The following INTS9 variants were observed in gnomAD, a reference collection of about 807,000 sequenced individuals.
The protein encoded by INTS9 is integrator complex subunit 9, also known as protein related to CPSF subunits of 74 kDa.
A neutral mutation model predicts 79.7 loss-of-function variants in INTS9; 55 were observed. The observed-to-expected ratio is 0.69, with a 90% CI of 0.56 to 0.86. The LOEUF (loss-of-function observed/expected upper bound fraction) is 0.86, where lower values mean the gene tolerates loss of function less well. INTS9 is among the 40% of genes least tolerant of loss of function. The pLI, the probability that INTS9 is intolerant of heterozygous loss-of-function variation, is 0.00. For synonymous variants in INTS9, 319 were observed against 325.2 expected (o/e 0.98, Z 0.20); for missense variants, 721 against 831.5 (o/e 0.87, Z 1.64).
chr8:28,889,634 T>C (rs1280812980), intron 1 of INTS9, among the ~76,000 whole-genome samples: 1 of 152,100 alleles, frequency 6.6e-6, no homozygotes, highest in African/African-American at 2.4e-5. Context: ...AGTCAACCTC[T>C]TGTCTGAACA....
chr8:28,818,599 T>C (rs1457484605), intron 6 of INTS9, among the ~76,000 whole-genome samples: 7 of 151,252 alleles, frequency 4.6e-5, no homozygotes, highest in Non-Finnish European at 3.0e-5. Context: ...TCAAGGATAT[T>C]GGTCTAAAAT....
chr8:28,788,711 G>A (rs763548118), intron 10 of INTS9, among the ~76,000 whole-genome samples: 3 of 152,242 alleles, frequency 2.0e-5, no homozygotes, highest in Non-Finnish European at 4.4e-5. Context: ...GAGCCACTGT[G>A]CCTGGCCCTC....
chr8:28,880,868 C>A (rs1275924008), intron 1 of INTS9, among the ~76,000 whole-genome samples: 2 of 146,290 alleles, frequency 1.4e-5, no homozygotes, highest in Non-Finnish European at 3.0e-5. Context: ...TCTGCCCGGC[C>A]GCCCATCGTC....
chr8:28,872,778 A>G (rs1809165928), intron 1 of INTS9, among the ~76,000 whole-genome samples: 1 of 152,196 alleles, frequency 6.6e-6, no homozygotes, highest in African/African-American at 2.4e-5. Context: ...AACTCAGCAC[A>G]TCATTTACAC....
chr8:28,771,736 G>A (rs971757766), intron 14 of INTS9, among the ~76,000 whole-genome samples: 4 of 152,378 alleles, frequency 2.6e-5, no homozygotes, highest in African/African-American at 9.6e-5. Flanking sequence ...GCCAGATCCC[G>A]TTCTTCACCT....
intron 8 of INTS9, chr8:28,799,432 G>A (rs903823895): frequency 2.0e-5 from 3 of 152,192 alleles, no homozygotes; most frequent in African/African-American, 2.4e-5. Context: ...TACGAATGTC[G>A]AATGTCACCG....
At chr8:28,876,663 A>G (rs994889064) in intron 1 of INTS9, among the ~76,000 whole-genome samples, 2 of 152,158 alleles carry the variant, frequency 1.3e-5, no homozygotes. Context: ...AGCCACTGCA[A>G]TTACATCAGA....
At chr8:28,855,414 T>TG (rs1234450332) in intron 2 of INTS9, among the ~76,000 whole-genome samples, 1 of 152,228 alleles carries the variant, frequency 6.6e-6, no homozygotes, top group Non-Finnish European at 1.5e-5. Context: ...AAGATGACTG[T>TG]GGGGAAAATG....
At chr8:28,864,388 T>C (rs1033894144) in intron 1 of INTS9, among the ~76,000 whole-genome samples, 8 of 152,216 alleles carry the variant, frequency 5.3e-5, no homozygotes, top group African/African-American at 1.9e-4. Flanking sequence ...TATTCAAGAT[T>C]ATATTTCAGG....
intron 1 of INTS9, among the ~76,000 whole-genome samples, chr8:28,882,424 TC>T (rs1031898032): frequency 9.8e-5 from 10 of 102,132 alleles, no homozygotes; most frequent in African/African-American, 3.7e-4. Flanking sequence ...CCCTGCCAAA[TC>T]CCCCTCTGCG....
chr8:28,874,320 C>T (rs189421228), intron 1 of INTS9, among the ~76,000 whole-genome samples: 17 of 150,296 alleles, frequency 1.1e-4, no homozygotes, highest in African/African-American at 1.5e-4. Context: ...GACAGAGTCT[C>T]GCTCTGTCAC....
chr8:28,881,287 T>C (rs1809772271), intron 1 of INTS9, among the ~76,000 whole-genome samples: 1 of 144,538 alleles, frequency 6.9e-6, no homozygotes, highest in Non-Finnish European at 1.5e-5. Flanking sequence ...AGCCGCCCAG[T>C]CCGGGAGGGA....
In INTS9 at chr8:28,778,045, A is replaced by G. The variant is rs73669443; in HGVS notation, c.1271-92T>C. The G allele has an allele frequency of 4.0e-4, 558 of 1,384,554 alleles. 2 individuals are homozygous for G. In the African/African-American group the frequency reaches 6.9e-3, roughly 17 times the overall value. The allele number at this position is 1,384,554 out of a possible 1,614,324, so 85.8% of individuals were successfully genotyped here. A position where few individuals can be genotyped will look rare whatever the true frequency, so the allele number is the denominator to read the frequency against. On this transcript the variant is annotated intron_variant, in intron 12 of 16. Coordinates refer to ENST00000521022, the MANE Select transcript of INTS9 (RefSeq NM_018250.4). The stretch of plus-strand genomic sequence containing the variant: ...ACTGGGGCGCTGAGGGCCCACAGAC[A>G]GTCAGGGGGTCAGGAGGGAGCCAGG...
chr8:28,799,040 T>C (rs1219576583), intron 8 of INTS9, among the ~76,000 whole-genome samples: 1 of 152,126 alleles, frequency 6.6e-6, no homozygotes, highest in East Asian at 1.9e-4. Context: ...CTCACACCTG[T>C]AATCCCAGCA....
intron 5 of INTS9, among the ~76,000 whole-genome samples, chr8:28,835,702 T>A (rs553299142): frequency 4.5e-4 from 69 of 152,324 alleles, no homozygotes; most frequent in Non-Finnish European, 7.2e-4. Flanking sequence ...TCTACTTTTA[T>A]GTTACTGAAA....
chr8:28,889,734 C>G, intron 1 of INTS9, 140 bp downstream of exon 1: 2 of 874,914 alleles, frequency 2.3e-6, no homozygotes, highest in Non-Finnish European at 1.8e-6. Flanking sequence ...CAAAAAGCAG[C>G]TTTCCTTAGC....
At chr8:28,872,277 C>G (rs544832344) in intron 1 of INTS9, among the ~76,000 whole-genome samples, 4 of 152,284 alleles carry the variant, frequency 2.6e-5, no homozygotes, top group Admixed American at 6.5e-5. Context: ...ATATTTTCAT[C>G]AGCACTGTGT....
rs772354555 is a variant in INTS9 at position 28,850,276 on chromosome 8, G to T, written c.138-3C>A. On this transcript the variant is annotated splice_region_variant and splice_polypyrimidine_tract_variant and intron_variant, in intron 2 of 16. Coordinates refer to ENST00000521022, the MANE Select transcript of INTS9 (RefSeq NM_018250.4). ...CAGGAAGATTGGACAGCCTGGGACT[G>T]CAAAACAAAAGATTAAGATTAAATT... 2.7e-5 allele frequency: 44 copies of T among 1,610,676 alleles called. No individual in the cohort carries two copies. Among genetic ancestry groups the T allele is most frequent in the Non-Finnish European group, 3.5e-5 (41 of 1,177,424 alleles).
intron 8 of INTS9, among the ~76,000 whole-genome samples, chr8:28,799,732 A>G (rs1158794637): frequency 1.3e-5 from 2 of 152,222 alleles, no homozygotes; most frequent in African/African-American, 4.8e-5. Flanking sequence ...TCCAAGTACC[A>G]ACTTAAAATA....
Sources: gnomAD v4.1 joint callset for allele counts (sites outside exome capture counted in the v4.1 genomes callset) on GRCh38, gnomAD v4.1.1 for gene constraint, MANE v1.5 for transcripts, NCBI Gene and HGNC (gene_info 2026-07-23, HGNC 2026-07-21) for gene names.